Variants in FOXN3 observed in about 807,000 individuals in gnomAD.
FOXN3 encodes forkhead box N3.
In FOXN3, 7 loss-of-function variants were observed where a neutral mutation model predicts 38.4. That is an observed-to-expected ratio of 0.18 (90% CI 0.10 to 0.34). The LOEUF is 0.34. FOXN3 is among the 10% of genes least tolerant of loss of function. The pLI, the probability that FOXN3 is intolerant of heterozygous loss-of-function variation, is 1.00. For synonymous variants in FOXN3, 230 were observed against 242.2 expected (o/e 0.95, Z 0.47); for missense variants, 456 against 613.4 (o/e 0.74, Z 2.71).
intron 1 of FOXN3, among the ~76,000 whole-genome samples, chr14:89,538,397 G>T (rs1358793390): frequency 6.6e-6 from 1 of 152,186 alleles, no homozygotes; most frequent in Non-Finnish European, 1.5e-5. Context: ...TGATATTCCT[G>T]GTCTTGGAGG....
intron 4 of FOXN3, among the ~76,000 whole-genome samples, chr14:89,247,604 C>CT (rs1166255143): frequency 6.6e-6 from 1 of 152,188 alleles, no homozygotes; most frequent in Non-Finnish European, 1.5e-5. Flanking sequence ...CTCACCACTG[C>CT]TACCACCATA....
At chr14:89,432,489 T>G (rs1892179939) in intron 1 of FOXN3, among the ~76,000 whole-genome samples, 1 of 152,218 alleles carries the variant, frequency 6.6e-6, no homozygotes, top group Non-Finnish European at 1.5e-5. Context: ...GAGCTTTACC[T>G]GCATTATTTA....
rs571720567 is a variant in FOXN3 at position 89,281,731 on chromosome 14, G to C, written c.681-717C>G. On this transcript the variant is annotated intron_variant, in intron 3 of 5. Coordinates refer to ENST00000557258, the MANE Select transcript of FOXN3 (RefSeq NM_005197.4). ...AGCCAGTAGAAAACTTTATAACCAA[G>C]CCAGCCTTAGTAAAATGTCCTTAGA... Among the ~76,000 whole-genome samples, 5 of 152,222 alleles carry C rather than the reference G, an allele frequency of 3.3e-5. No homozygotes were observed. The East Asian group carries it at 9.6e-4, about 29-fold the overall frequency.
At chr14:89,558,003 C>G (rs1343983354) in intron 1 of FOXN3, among the ~76,000 whole-genome samples, 1 of 152,042 alleles carries the variant, frequency 6.6e-6, no homozygotes, top group Non-Finnish European at 1.5e-5. Context: ...AAGATTCTGT[C>G]TCAAAAACAA....
intron 2 of FOXN3, among the ~76,000 whole-genome samples, chr14:89,411,045 C>T (rs1286260861): frequency 6.6e-6 from 1 of 152,206 alleles, no homozygotes; most frequent in African/African-American, 2.4e-5. Context: ...GGCTGCACAG[C>T]AGGAGGTCAG....
chr14:89,546,774 C>A (rs1355750226), intron 1 of FOXN3, among the ~76,000 whole-genome samples: 1 of 152,098 alleles, frequency 6.6e-6, no homozygotes, highest in Non-Finnish European at 1.5e-5. Context: ...CACATACACA[C>A]ATATACATAG....
chr14:89,392,464 T>A (rs1159376169), intron 2 of FOXN3, among the ~76,000 whole-genome samples: 1 of 152,090 alleles, frequency 6.6e-6, no homozygotes, highest in Non-Finnish European at 1.5e-5. Context: ...AAGCCTAAAA[T>A]CCAGGTGTCA....
intron 3 of FOXN3, among the ~76,000 whole-genome samples, chr14:89,318,349 G>A (rs568889158): frequency 1.3e-5 from 2 of 151,982 alleles, no homozygotes; most frequent in Non-Finnish European, 2.9e-5. Flanking sequence ...AGTAGAGATG[G>A]AGTTTCACCA....
chr14:89,204,792 C>CTCCT (rs1888334469), intron 4 of FOXN3, among the ~76,000 whole-genome samples: 1 of 150,648 alleles, frequency 6.6e-6, no homozygotes, highest in East Asian at 2.0e-4. Flanking sequence ...GAGACATAGG[C>CTCCT]TCCATCCATC....
At chr14:89,408,978 G>C (rs558280604) in intron 2 of FOXN3, among the ~76,000 whole-genome samples, 1 of 152,284 alleles carries the variant, frequency 6.6e-6, no homozygotes, top group South Asian at 2.1e-4. Flanking sequence ...AAGTGACTGG[G>C]CCAGGTCAAT....
chr14:89,416,658 G>A (rs1335836406), intron 1 of FOXN3, among the ~76,000 whole-genome samples: 2 of 152,190 alleles, frequency 1.3e-5, no homozygotes, highest in Non-Finnish European at 2.9e-5. Flanking sequence ...CCGGGAAGCA[G>A]CACGCACGTC....
intron 2 of FOXN3, among the ~76,000 whole-genome samples, chr14:89,367,122 C>A (rs555940156): frequency 6.6e-6 from 1 of 152,256 alleles, no homozygotes; most frequent in East Asian, 1.9e-4. Flanking sequence ...TTTGTTCTTG[C>A]GGAGTGGCCA....
chr14:89,469,551 CT>C (rs1300628999), intron 1 of FOXN3, among the ~76,000 whole-genome samples: 1 of 152,236 alleles, frequency 6.6e-6, no homozygotes. Context: ...TGTGACTGGG[CT>C]TTCGTTTTCT....
At chr14:89,346,599 G>T (rs945430362) in intron 3 of FOXN3, among the ~76,000 whole-genome samples, 1 of 152,148 alleles carries the variant, frequency 6.6e-6, no homozygotes, top group Non-Finnish European at 1.5e-5. Flanking sequence ...GAGGTACCCG[G>T]TATCAACATC....
chr14:89,399,036 T>C (rs987555591), intron 2 of FOXN3, among the ~76,000 whole-genome samples: 1 of 152,216 alleles, frequency 6.6e-6, no homozygotes, highest in Non-Finnish European at 1.5e-5. Context: ...AAGGCTTTCC[T>C]GAATTTTTTT....
chr14:89,456,760 A>C (rs1487243859), intron 1 of FOXN3, among the ~76,000 whole-genome samples: 1 of 152,176 alleles, frequency 6.6e-6, no homozygotes, highest in Non-Finnish European at 1.5e-5. Flanking sequence ...TGTCGCAAAT[A>C]AAATAAAATA....
intron 4 of FOXN3, among the ~76,000 whole-genome samples, chr14:89,192,268 T>G (rs1190204676): frequency 2.1e-5 from 3 of 146,286 alleles, no homozygotes; most frequent in Non-Finnish European, 4.5e-5. Flanking sequence ...ACAGTATATA[T>G]TAAGTACTTA....
chr14:89,314,631 AAC>A (rs1344426574), intron 3 of FOXN3, among the ~76,000 whole-genome samples: 1 of 152,238 alleles, frequency 6.6e-6, no homozygotes. Flanking sequence ...AGTGTCGTGC[AAC>A]ACACAAAGTC....
chr14:89,609,536 A>G (rs1896348878), intron 1 of FOXN3, among the ~76,000 whole-genome samples: 1 of 152,054 alleles, frequency 6.6e-6, no homozygotes, highest in Non-Finnish European at 1.5e-5. Flanking sequence ...CTTTTCAGGG[A>G]CTCATGATTT....
Sources: allele counts gnomAD v4.1 joint callset (sites outside exome capture counted in the v4.1 genomes callset), GRCh38; gene constraint gnomAD v4.1.1; transcripts MANE v1.5; gene names NCBI Gene and HGNC (gene_info 2026-07-23, HGNC 2026-07-21).